Variants in CLMP observed in about 807,000 individuals in gnomAD.
CLMP encodes CXADR-like membrane protein.
A neutral mutation model predicts 45.2 loss-of-function variants in CLMP; 27 were observed. That is an observed-to-expected ratio of 0.60 (90% CI 0.44 to 0.82). The LOEUF (loss-of-function observed/expected upper bound fraction) is 0.82, where lower values mean the gene tolerates loss of function less well. Among genes scored for constraint, CLMP ranks in the 40% least tolerant of loss-of-function variants. CLMP has a pLI of 0.00. For synonymous variants in CLMP, 167 were observed against 171.4 expected, an observed-to-expected ratio of 0.97 and a Z score of 0.20; for missense variants, 403 against 448.4, an observed-to-expected ratio of 0.90 and a Z score of 0.91.
chr11:123,144,375 GA>G (rs1320683692), intron 1 of CLMP, among the ~76,000 whole-genome samples: 2 of 152,082 alleles, frequency 1.3e-5, no homozygotes, highest in Non-Finnish European at 2.9e-5. Context: ...AATATTTGGG[GA>G]TAATATTTTT....
intron 1 of CLMP, among the ~76,000 whole-genome samples, chr11:123,106,415 GT>G (rs1860553229): frequency 9.2e-6 from 1 of 108,322 alleles, no homozygotes; most frequent in African/African-American, 3.4e-5. Context: ...GTGTGTGTGT[GT>G]GTGTGTGTGC....
chr11:123,095,870 G>A (rs1374067284), intron 2 of CLMP, among the ~76,000 whole-genome samples: 3 of 152,144 alleles, frequency 2.0e-5, no homozygotes, highest in Non-Finnish European at 4.4e-5. Context: ...TGTATTCTAC[G>A]AGGGCAGAGA....
At chr11:123,130,079 A>G (rs142929377) in intron 1 of CLMP, among the ~76,000 whole-genome samples, 2,308 of 152,272 alleles carry the variant, frequency 0.015, 54 homozygotes, top group African/African-American at 0.052. Context: ...GTTAAAGCAG[A>G]ATTGAGTGGA....
chr11:123,082,128 C>T (rs1865812503), intron 5 of CLMP, among the ~76,000 whole-genome samples: 1 of 152,176 alleles, frequency 6.6e-6, no homozygotes, highest in African/African-American at 2.4e-5. Flanking sequence ...CTCACAAACA[C>T]TCTGTGGAGG....
rs1244110666 is a variant in CLMP, at chr11:123,137,453, C to A, written c.29-39501G>T. ...GAAAGAGGAGCAAAGCCTGGTGGAG[C>A]CGACAGGGTCCCAGAGGGGAGATGG... On this transcript the variant is annotated intron_variant, in intron 1 of 6. Transcript: ENST00000448775. 2.0e-5 allele frequency among the ~76,000 whole-genome samples: 3 copies of A among 151,824 alleles called. No homozygotes were observed. The East Asian group carries it at 5.8e-4, about 30-fold the overall frequency.
At chr11:123,131,938 C>T (rs1269622820) in intron 1 of CLMP, among the ~76,000 whole-genome samples, 6 of 152,090 alleles carry the variant, frequency 3.9e-5, no homozygotes, top group African/African-American at 1.4e-4. Flanking sequence ...TTTTCTAAAC[C>T]TACGTTTATC....
chr11:123,116,199 C>G (rs1012551187), intron 1 of CLMP, among the ~76,000 whole-genome samples: 1 of 151,886 alleles, frequency 6.6e-6, no homozygotes, highest in African/African-American at 2.4e-5. Flanking sequence ...CCAGCCCACA[C>G]TCAAGAAGAG....
chr11:123,092,291 A>C (rs865813850), intron 2 of CLMP, among the ~76,000 whole-genome samples: 2 of 143,024 alleles, frequency 1.4e-5, no homozygotes, highest in Admixed American at 7.0e-5. Context: ...CACACACACA[A>C]AGACACACAC....
intron 1 of CLMP, among the ~76,000 whole-genome samples, chr11:123,107,133 T>C (rs1187466263): frequency 1.3e-5 from 2 of 151,454 alleles, no homozygotes; most frequent in Non-Finnish European, 2.9e-5. Flanking sequence ...CAATCATAAC[T>C]CACTGCAGCC....
In CLMP at chr11:123,175,140, A is replaced by G. The variant is rs76443436; in HGVS notation, c.28+19773T>C. ...GACTTATTAAAAAAAATTTTTTTTAAGAGACGGGGTGTATTAGTCCATTTT... is the reference window on the plus strand; with the variant it reads ...GACTTATTAAAAAAAATTTTTTTTAGGAGACGGGGTGTATTAGTCCATTTT... On this transcript the variant is annotated intron_variant, in intron 1 of 6. Coordinates refer to ENST00000448775, the MANE Select transcript of CLMP (RefSeq NM_024769.5). Among the ~76,000 whole-genome samples the G allele has an allele frequency of 3.1e-3, 475 of 152,276 alleles. 20 individuals carry two copies. The East Asian group carries it at 0.047, about 15-fold the overall frequency.
At chr11:123,102,204 T>G (rs1025750638) in intron 1 of CLMP, among the ~76,000 whole-genome samples, 4 of 150,960 alleles carry the variant, frequency 2.6e-5, no homozygotes, top group African/African-American at 9.7e-5. Context: ...AAATAAGATA[T>G]GCAACTTCCC....
Position 123,112,338 on chromosome 11 carries a change from C to CTTTTTCT in CLMP, c.29-14387_29-14386insAGAAAAA, listed in dbSNP as rs1555080731. Among the ~76,000 whole-genome samples, 332 of 137,562 alleles carry CTTTTTCT rather than the reference C, an allele frequency of 2.4e-3. 1 individual carries two copies. The highest frequency in any genetic ancestry group is 3.8e-3 in the Middle Eastern group (1 of 260). The allele number at this position is 137,562 out of a possible 152,430, so 90.2% of individuals were successfully genotyped here. ...AATTTCTTTCTTTCTTTTTCTTTTTCTTTTTTTTTTTTTTTTGAGACGGAG... is the reference window on the plus strand; with the variant it reads ...AATTTCTTTCTTTCTTTTTCTTTTTCTTTTTCTTTTTTTTTTTTTTTTTGAGACGGAG... On this transcript the variant is annotated intron_variant, in intron 1 of 6. Transcript: ENST00000448775.
At chr11:123,110,528 A>T (rs1410970805) in intron 1 of CLMP, among the ~76,000 whole-genome samples, 1 of 151,938 alleles carries the variant, frequency 6.6e-6, no homozygotes, top group Non-Finnish European at 1.5e-5. Flanking sequence ...CTTAGACAGG[A>T]GAATTGCTGG....
chr11:123,115,971 G>A (rs151141957), intron 1 of CLMP, among the ~76,000 whole-genome samples: 65 of 152,074 alleles, frequency 4.3e-4, no homozygotes, highest in Non-Finnish European at 6.0e-4. Context: ...CTGAAGGCTC[G>A]CATGAGGTGG....
intron 1 of CLMP, among the ~76,000 whole-genome samples, chr11:123,165,174 C>T (rs1272292767): frequency 6.6e-6 from 1 of 152,220 alleles, no homozygotes; most frequent in African/African-American, 2.4e-5. Flanking sequence ...ATCTTCTGAT[C>T]TGTCAGCTGC....
intron 2 of CLMP, among the ~76,000 whole-genome samples, chr11:123,093,240 G>A (rs1565380375): frequency 6.6e-6 from 1 of 152,084 alleles, no homozygotes; most frequent in Non-Finnish European, 1.5e-5. Flanking sequence ...AGGTCTCACT[G>A]TGTTGCCCAG....
chr11:123,184,370 C>T (rs1861806193), intron 1 of CLMP, among the ~76,000 whole-genome samples: 1 of 152,204 alleles, frequency 6.6e-6, no homozygotes, highest in Admixed American at 6.5e-5. Context: ...GCAGGAATTA[C>T]AAGCATGAGC....
At chr11:123,113,902 A>G (rs1355497008) in intron 1 of CLMP, among the ~76,000 whole-genome samples, 1 of 132,032 alleles carries the variant, frequency 7.6e-6, no homozygotes, top group Non-Finnish European at 1.6e-5. Context: ...ATGTTTACAC[A>G]TGCAGAAACA....
At chr11:123,140,137 C>A (rs1206089170) in intron 1 of CLMP, among the ~76,000 whole-genome samples, 2 of 152,202 alleles carry the variant, frequency 1.3e-5, no homozygotes, top group Non-Finnish European at 2.9e-5. Context: ...CGTAAAGTTG[C>A]ATAGGCAAAC....
Sources: gnomAD v4.1 joint callset for allele counts (sites outside exome capture counted in the v4.1 genomes callset) on GRCh38, gnomAD v4.1.1 for gene constraint, MANE v1.5 for transcripts, NCBI Gene and HGNC (gene_info 2026-07-23, HGNC 2026-07-21) for gene names.